The following CHD2 variants were observed in gnomAD, a reference collection of about 807,000 sequenced individuals.
CHD2 encodes the protein chromodomain helicase DNA binding protein 2.
CHD2 carries 28 observed loss-of-function variants against 243.9 expected under a neutral mutation model. The observed-to-expected ratio is 0.11, with a 90% CI of 0.09 to 0.16. The LOEUF is 0.16. Ranked by LOEUF, CHD2 falls within the 10% of genes least tolerant of loss-of-function variation. The pLI is 1.00. For missense variants in CHD2, 1,386 were observed against 2,209.8 expected, an observed-to-expected ratio of 0.63 and a Z score of 7.47; for synonymous variants, 775 against 779.0, an observed-to-expected ratio of 0.99 and a Z score of 0.09.
intron 37 of CHD2, among the ~76,000 whole-genome samples, chr15:93,017,518 T>TTTA (rs2054479249): frequency 8.2e-6 from 1 of 121,624 alleles, no homozygotes; most frequent in Non-Finnish European, 1.9e-5. Flanking sequence ...TTTTTTTTTT[T>TTTA]TGTATTTTTG....
At chr15:92,927,170 A>C in intron 3 of CHD2, 74 bp from the exon 4 acceptor site, 23 of 997,504 alleles carry the variant, frequency 2.3e-5, no homozygotes, top group Non-Finnish European at 3.6e-5. Flanking sequence ...AATTCTCTTC[A>C]ATTGCAATAA....
rs1382856999 is a variant in CHD2, at chr15:92,924,475, T to G, written c.217T>G (p.Ser73Ala). The part of the protein sequence containing the change: ...QSESESESAG[S>A]KSQPVLPEAK... Reference sequence around the variant, plus strand: ...GGAATCTGAGAGCGAATCAGCAGGTTCCAAATCCCAGCCAGTCCTCCCAGA... The same window carrying G: ...GGAATCTGAGAGCGAATCAGCAGGTGCCAAATCCCAGCCAGTCCTCCCAGA... The change falls in exon 3 of 39, where the codon TCC (serine) becomes GCC (alanine). Residue 73 changes from serine to alanine, a missense_variant. Coordinates refer to ENST00000394196, the MANE Select transcript of CHD2 (RefSeq NM_001271.4). 9.3e-6 allele frequency: 15 copies of G among 1,613,968 alleles called. No individual in the cohort carries two copies. The highest frequency in any genetic ancestry group is 1.3e-5 in the African/African-American group (1 of 74,906).
chr15:92,947,239 C>G lies in CHD2; in HGVS notation c.1377+1023C>G, dbSNP rs539321967. 5.3e-5 allele frequency: 8 copies of G among 152,324 alleles called. No homozygotes were observed. In the East Asian group the frequency reaches 1.2e-3, roughly 22 times the overall value. The allele number at this position is 152,324 out of a possible 1,614,324, so 9.4% of individuals were successfully genotyped here. On this transcript the variant is annotated intron_variant, in intron 12 of 38. Transcript: ENST00000394196. ...CAGAGAAGCACCAATGTAGAAGTCT[C>G]TGAGCTCCAGTGGTCATTGAATGGG...
At chr15:92,901,906 T>C (rs1399216601) in intron 2 of CHD2, 1 of 329,630 alleles carries the variant, frequency 3.0e-6, no homozygotes, top group Non-Finnish European at 5.4e-6. Flanking sequence ...GAAATTTTGA[T>C]GTGATTTATC....
chr15:93,024,380 A>G lies in CHD2; in HGVS notation c.5162A>G (p.His1721Arg), dbSNP rs2054568715. The G allele has an allele frequency of 6.2e-7, 1 of 1,612,678 alleles. No individual in the cohort carries two copies. Among genetic ancestry groups the G allele is most frequent in the Non-Finnish European group, 8.5e-7 (1 of 1,178,990 alleles). ...TTGCATCTCTATTTCAGGCACCATC[A>G]TGACTCCAAGCGGAGGAGATCCGAT... is the stretch of plus-strand genomic sequence containing the variant. Reference protein sequence around the residue: ...GHRDYYDRHHHDSKRRRSDEF... With the variant: ...GHRDYYDRHHRDSKRRRSDEF... Residue 1721 changes from histidine (H) to arginine (R), a missense_variant, in exon 39 of 39, where the codon CAT becomes CGT. This residue lies in a region of CHD2 where 347 missense variants were observed against 341.6 expected (regional missense o/e 1.02). Transcript: ENST00000394196.
chr15:92,916,721 T>C (rs956956975), intron 2 of CHD2, among the ~76,000 whole-genome samples: 1 of 152,120 alleles, frequency 6.6e-6, no homozygotes, highest in African/African-American at 2.4e-5. Flanking sequence ...GCCCAGCTAA[T>C]TTTTGTATTT....
Position 92,998,315 on chromosome 15 carries a change from C to T in CHD2, c.3886-184C>T, listed in dbSNP as rs2054210252. On this transcript the variant is annotated intron_variant, in intron 30 of 38. Coordinates refer to ENST00000394196, the MANE Select transcript of CHD2 (RefSeq NM_001271.4). This position sits in a 1 kb window ranked among gnomAD's most constrained non-coding sequence, Gnocchi z 5.1. Reference sequence around the variant, plus strand: ...TCCATCCCATTTTGTAAAATGAGAACGGCTCGTGAGGGATTTTCAGTGACT... The same window carrying T: ...TCCATCCCATTTTGTAAAATGAGAATGGCTCGTGAGGGATTTTCAGTGACT... The T allele has an allele frequency of 6.1e-6, 8 of 1,321,060 alleles. No homozygotes were observed. Among genetic ancestry groups the T allele is most frequent in the East Asian group, 5.5e-5 (2 of 36,312 alleles). The allele number at this position is 1,321,060 out of a possible 1,614,324, so 81.8% of individuals were successfully genotyped here. A position where few individuals can be genotyped will look rare whatever the true frequency, so the allele number is the denominator to read the frequency against.
chr15:93,016,157 C>T (rs11074126), intron 37 of CHD2, among the ~76,000 whole-genome samples: 31,915 of 152,116 alleles, frequency 0.21, 4,153 homozygotes, highest in Middle Eastern at 0.31. Flanking sequence ...TATACACAAT[C>T]GAATAGTATT....
At chr15:92,919,726 T>G (rs1364422289) in intron 2 of CHD2, among the ~76,000 whole-genome samples, 1 of 152,196 alleles carries the variant, frequency 6.6e-6, no homozygotes, top group Non-Finnish European at 1.5e-5. Flanking sequence ...TTCAAATCTT[T>G]GCTGGTTTTG....
At chr15:92,971,413 A>G (rs1209850384) in intron 17 of CHD2, among the ~76,000 whole-genome samples, 1 of 152,182 alleles carries the variant, frequency 6.6e-6, no homozygotes, top group Non-Finnish European at 1.5e-5. Flanking sequence ...ATATGTATAA[A>G]GTACATGTGT....
At chr15:92,953,877 T>C (rs1307431552) in intron 14 of CHD2, 3 of 301,048 alleles carry the variant, frequency 1.0e-5, no homozygotes, top group African/African-American at 6.4e-5. Flanking sequence ...TGAGATAATA[T>C]GGAGTTAATA....
At position 93,002,866 on chromosome 15, in the gene CHD2, C is replaced by T. The variant is rs76310180; in HGVS notation, c.4278+549C>T. ...AGTAAAATCATTGCCAAAACACAAA[C>T]AACTGCTGTAATTCTAATATCCAGT... On this transcript the variant is annotated intron_variant, in intron 33 of 38. Transcript: ENST00000394196. Among the ~76,000 whole-genome samples, 1,285 of 152,284 alleles carry T rather than the reference C, an allele frequency of 8.4e-3. 15 individuals carry two copies. The highest frequency in any genetic ancestry group is 0.026 in the African/African-American group (1,101 of 41,550).
Position 93,006,924 on chromosome 15 carries a change from C to T in CHD2, c.4413+2173C>T, listed in dbSNP as rs879866739. On this transcript the variant is annotated intron_variant, in intron 34 of 38. Coordinates refer to ENST00000394196, the MANE Select transcript of CHD2 (RefSeq NM_001271.4). ...TCATGTTATTCTACAATTTATTCTT[C>T]CACAGTTTAATTTTTTCCCGTATTG... Among the ~76,000 whole-genome samples the T allele has an allele frequency of 5.9e-5, 9 of 152,178 alleles. No homozygotes were observed. In the East Asian group the frequency reaches 1.5e-3, roughly 26 times the overall value.
chr15:92,930,532 A>T (rs971922853), intron 5 of CHD2, among the ~76,000 whole-genome samples: 5 of 151,936 alleles, frequency 3.3e-5, no homozygotes, highest in African/African-American at 1.2e-4. Context: ...TGCTGGACTT[A>T]ATTGACCCAC....
Position 92,904,668 on chromosome 15 carries a change from A to G in CHD2, c.62+3369A>G, listed in dbSNP as rs1261703485. ...TTGAGAAGCGGCTGCTTTTGGAGAA[A>G]AAGTGCAGGCACTATTTATAAATTT... is the stretch of plus-strand genomic sequence containing the variant. On this transcript the variant is annotated intron_variant, in intron 2 of 38. Coordinates refer to ENST00000394196, the MANE Select transcript of CHD2 (RefSeq NM_001271.4). 10 of 1,299,756 alleles carry G rather than the reference A, an allele frequency of 7.7e-6. No homozygotes were observed. In the Admixed American group the frequency reaches 1.5e-4, roughly 19 times the overall value. 80.5% of individuals were successfully genotyped at this position (1,299,756 alleles called of 1,614,324 possible).
chr15:92,956,110 A>G (rs2053614768), intron 15 of CHD2, among the ~76,000 whole-genome samples: 3 of 152,178 alleles, frequency 2.0e-5, no homozygotes, highest in Admixed American at 1.3e-4. Flanking sequence ...GGGGTGGAGA[A>G]TAGGCAAGAG....
chr15:92,972,123 A>C (rs529330679), intron 18 of CHD2, 142 bp from the exon 19 acceptor site: 97 of 1,030,320 alleles, frequency 9.4e-5, no homozygotes, highest in Non-Finnish European at 1.2e-4. Flanking sequence ...GAAAAAGAAC[A>C]TTTCGGGAAT....
intron 13 of CHD2, among the ~76,000 whole-genome samples, chr15:92,952,576 A>G (rs1260385416): frequency 6.6e-6 from 1 of 152,160 alleles, no homozygotes; most frequent in African/African-American, 2.4e-5. Flanking sequence ...TCATGCTCCT[A>G]TGAGAATCTA....
Position 92,900,617 on chromosome 15 carries a change from C to T in CHD2, c.-279C>T. 2.5e-6 allele frequency: 1 copy of T among 398,248 alleles called. No individual in the cohort carries two copies. Among genetic ancestry groups the T allele is most frequent in the East Asian group, 3.6e-5 (1 of 28,068 alleles). 24.7% of individuals were successfully genotyped at this position (398,248 alleles called of 1,614,324 possible). ...GCCATGGCGCACCTCCATTTTTGTG[C>T]GCTCTCCTAATGAGGTTTTTTTTCT... On this transcript the variant is annotated 5_prime_UTR_variant, in exon 1 of 39. Coordinates refer to ENST00000394196, the MANE Select transcript of CHD2 (RefSeq NM_001271.4).
Sources: gnomAD v4.1 joint callset for allele counts (sites outside exome capture counted in the v4.1 genomes callset) on GRCh38, gnomAD v4.1.1 for gene constraint, gnomAD v4.1.1 regional missense constraint, Gnocchi (gnomAD v3.1) non-coding constraint, MANE v1.5 for transcripts, NCBI Gene and HGNC (gene_info 2026-07-23, HGNC 2026-07-21) for gene names.